Variants in MYO7B observed in about 807,000 individuals in gnomAD.
MYO7B encodes unconventional myosin-VIIb.
MYO7B carries 212 observed loss-of-function variants against 259.7 expected under a neutral mutation model. The ratio of observed to expected loss-of-function variants is 0.82; its 90% confidence interval spans 0.73 to 0.91. The LOEUF (loss-of-function observed/expected upper bound fraction) is 0.91, where lower values mean the gene tolerates loss of function less well. Ranked by LOEUF, MYO7B falls within the 40% of genes least tolerant of loss-of-function variation. The probability of loss-of-function intolerance (pLI) is 0.00; values close to 1 mark genes in which losing one functional copy is unlikely to be tolerated. For missense variants in MYO7B, 2,732 were observed against 2,813.5 expected (o/e 0.97, Z 0.66); for synonymous variants, 1,197 against 1,166.4 (o/e 1.03, Z -0.54).
chr2:127,610,619 ATGTTAG>A (rs747571179), intron 24 of MYO7B, among the ~76,000 whole-genome samples: 1 of 152,256 alleles, frequency 6.6e-6, no homozygotes, highest in Non-Finnish European at 1.5e-5. Context: ...CCATGCTGTA[ATGTTAG>A]TGGAACTAAC....
chr2:127,631,500 C>G (rs1379276255), intron 37 of MYO7B, 100 bp from the exon 38 acceptor site: 11 of 1,524,640 alleles, frequency 7.2e-6, no homozygotes, highest in Non-Finnish European at 8.8e-6. Flanking sequence ...GGACAGAGCC[C>G]ACACATGGCT....
intron 1 of MYO7B, among the ~76,000 whole-genome samples, chr2:127,543,968 ATCTCCTGACCTCGTGATCTGCCTGCC>A (rs940053167): frequency 8.6e-5 from 13 of 151,836 alleles, no homozygotes; most frequent in South Asian, 2.1e-4. Context: ...GATGGTCTGG[ATCTCCTGACCTCGTGATCTGCCTGCC>A]TCTCCTGACC....
At chr2:127,541,581 C>T (rs1045643204) in intron 1 of MYO7B, among the ~76,000 whole-genome samples, 6 of 152,106 alleles carry the variant, frequency 3.9e-5, no homozygotes, top group Admixed American at 6.6e-5. Context: ...CTAAATAGGC[C>T]GACACTTGCC....
chr2:127,545,125 T>C (rs1245087306), intron 1 of MYO7B, among the ~76,000 whole-genome samples: 1 of 152,248 alleles, frequency 6.6e-6, no homozygotes, highest in Admixed American at 6.5e-5. Flanking sequence ...TGTTGAGTTT[T>C]TGTTTGTTTC....
chr2:127,618,770 G>A (rs1260408433), intron 26 of MYO7B, among the ~76,000 whole-genome samples: 1 of 152,216 alleles, frequency 6.6e-6, no homozygotes, highest in African/African-American at 2.4e-5. Flanking sequence ...AGTGGGGAAA[G>A]TTTTAAGCAA....
rs199510820 is a variant in MYO7B at position 127,559,700 on chromosome 2, G to C, written c.-23G>C. 12 of 1,613,946 alleles carry C rather than the reference G, an allele frequency of 7.4e-6. 1 individual carries two copies. In the South Asian group the frequency reaches 8.8e-5, roughly 12 times the overall value. ...CGTTCTGCTTTCTCTCTCCATACAG[G>C]CTTGTGGAACTGCTGACTCAGGATG... On this transcript the variant is annotated splice_region_variant and 5_prime_UTR_variant, in exon 2 of 48. Coordinates refer to ENST00000409816, the MANE Select transcript of MYO7B (RefSeq NM_001393586.1). The surrounding 1 kb of genome is among the most constrained non-coding windows in gnomAD (Gnocchi z 4.1).
intron 28 of MYO7B, among the ~76,000 whole-genome samples, chr2:127,622,348 C>T (rs897545544): frequency 6.6e-6 from 1 of 152,142 alleles, no homozygotes; most frequent in African/African-American, 2.4e-5. Flanking sequence ...GGAAGATCAC[C>T]GGACCCACTC....
At chr2:127,582,062 T>C in intron 11 of MYO7B, 52 bp downstream of exon 11, 2 of 1,609,816 alleles carry the variant, frequency 1.2e-6, no homozygotes, top group Non-Finnish European at 1.7e-6. Flanking sequence ...ACCACGGCTC[T>C]GCTTCTTGCT....
At chr2:127,581,587 T>G (rs1480798664) in intron 10 of MYO7B, among the ~76,000 whole-genome samples, 1 of 152,146 alleles carries the variant, frequency 6.6e-6, no homozygotes, top group Non-Finnish European at 1.5e-5. Flanking sequence ...GGGACTGATT[T>G]CAGTCAGGAC....
At chr2:127,626,884 A>C in intron 31 of MYO7B, 91 bp from the exon 32 acceptor site, 4 of 1,181,312 alleles carry the variant, frequency 3.4e-6, no homozygotes, top group African/African-American at 1.5e-5. Flanking sequence ...CCTTCTCAGA[A>C]GGATCCATCA....
At chr2:127,623,790 C>T (rs1680964997) in intron 29 of MYO7B, among the ~76,000 whole-genome samples, 1 of 152,248 alleles carries the variant, frequency 6.6e-6, no homozygotes, top group South Asian at 2.1e-4. Context: ...ATTCCACGCC[C>T]ACACCCTCAG....
At chr2:127,575,732 C>T (rs1054221757) in intron 7 of MYO7B, among the ~76,000 whole-genome samples, 10 of 152,024 alleles carry the variant, frequency 6.6e-5, no homozygotes, top group Admixed American at 6.6e-4. Flanking sequence ...TTGATCCTCC[C>T]ACCTCAGCCT....
chr2:127,536,187 A>AT (rs1461693856), intron 1 of MYO7B, among the ~76,000 whole-genome samples: 17 of 152,264 alleles, frequency 1.1e-4, no homozygotes, highest in Non-Finnish European at 2.1e-4. Flanking sequence ...ATGGGACATC[A>AT]TGGATAGCCT....
rs1411577553 is a variant in MYO7B, at chr2:127,614,333, G to T, written c.3398+1730G>T. Among the ~76,000 whole-genome samples, 1 of 152,052 alleles carries T rather than the reference G, an allele frequency of 6.6e-6. No individual in the cohort carries two copies. The highest frequency in any genetic ancestry group is 1.5e-5 in the Non-Finnish European group (1 of 68,026). ...CTTCTAGAAAATGGGCTGCCTGCTT[G>T]TGTGGGATCCCATCTAGATGCCTGA... On this transcript the variant is annotated intron_variant, in intron 26 of 47. Transcript: ENST00000409816. This position sits in a 1 kb window ranked among gnomAD's most constrained non-coding sequence, Gnocchi z 4.6.
chr2:127,592,948 T>A lies in MYO7B; in HGVS notation c.2145+2T>A. The stretch of plus-strand genomic sequence containing the variant: ...CTGCCCAACGCCATGCGGATGCAGG[T>A]CAGCGCCCCTCGGGGACGGTCACCT... On this transcript the variant is annotated splice_donor_variant, in intron 17 of 47. Transcript: ENST00000409816. LOFTEE classifies it high-confidence loss of function. The A allele has an allele frequency of 6.3e-7, 1 of 1,581,388 alleles. No homozygotes were observed. The highest frequency in any genetic ancestry group is 8.6e-7 in the Non-Finnish European group (1 of 1,164,700).
rs530099348 is a variant in MYO7B, at chr2:127,576,199, G to A, written c.736-396G>A. 8.0e-5 allele frequency among the ~76,000 whole-genome samples: 12 copies of A among 150,840 alleles called. 1 individual carries two copies. Among genetic ancestry groups the A allele is most frequent in the South Asian group, 4.2e-4 (2 of 4,782 alleles). On this transcript the variant is annotated intron_variant, in intron 7 of 47. Coordinates refer to ENST00000409816, the MANE Select transcript of MYO7B (RefSeq NM_001393586.1). The surrounding 1 kb of genome is among the most constrained non-coding windows in gnomAD (Gnocchi z 4.9). The stretch of plus-strand genomic sequence containing the variant: ...GGGTGACAGAGCAAGACCTTCTCTC[G>A]GAAAAAAAAAAAATACTGAAGGCCT...
intron 2 of MYO7B, among the ~76,000 whole-genome samples, chr2:127,561,510 G>A (rs542854381): frequency 6.6e-5 from 10 of 152,052 alleles, no homozygotes; most frequent in African/African-American, 1.2e-4. Context: ...CTGCCCACCC[G>A]CCTCGGCCTC....
intron 29 of MYO7B, 81 bp downstream of exon 29, chr2:127,623,456 T>C: frequency 7.1e-7 from 1 of 1,403,856 alleles, no homozygotes; most frequent in Non-Finnish European, 9.4e-7. Context: ...CCCTCTCACC[T>C]TTCCAGCCCG....
rs1678901566 is a variant in MYO7B at position 127,577,102 on chromosome 2, A to C, written c.849+394A>C. On this transcript the variant is annotated intron_variant, in intron 8 of 47. Transcript: ENST00000409816. This position sits in a 1 kb window ranked among gnomAD's most constrained non-coding sequence, Gnocchi z 5.2. ...CGTAAGCCCCGGGCCCCAGGAAAGCAAAGCCCTTCCTGTGCTCCCAGCTGC... is the reference window on the plus strand; with the variant it reads ...CGTAAGCCCCGGGCCCCAGGAAAGCCAAGCCCTTCCTGTGCTCCCAGCTGC... Among the ~76,000 whole-genome samples the C allele has an allele frequency of 6.6e-6, 1 of 152,242 alleles. No homozygotes were observed. The highest frequency in any genetic ancestry group is 1.9e-4 in the East Asian group (1 of 5,170).
Sources: allele counts gnomAD v4.1 joint callset (sites outside exome capture counted in the v4.1 genomes callset), GRCh38; gene constraint gnomAD v4.1.1; non-coding constraint Gnocchi (gnomAD v3.1); transcripts MANE v1.5; gene names NCBI Gene and HGNC (gene_info 2026-07-23, HGNC 2026-07-21).